The following AFF2 variants were observed in gnomAD, a reference collection of about 807,000 sequenced individuals.
AFF2 encodes ALF transcription elongation factor 2.
Under a neutral mutation model 76.9 loss-of-function variants are expected in AFF2, and 14 were observed. The observed-to-expected ratio is 0.18, with a 90% CI of 0.12 to 0.28. The LOEUF (loss-of-function observed/expected upper bound fraction) is 0.28, where lower values mean the gene tolerates loss of function less well. AFF2 is among the 10% of genes least tolerant of loss of function. AFF2 has a pLI of 1.00. For missense variants in AFF2, 868 were observed against 1,001.1 expected, an observed-to-expected ratio of 0.87 and a Z score of 1.79; for synonymous variants, 398 against 366.7, an observed-to-expected ratio of 1.09 and a Z score of -0.98.
chrX:148,512,980 G>A (rs2052498352), intron 1 of AFF2, among the ~76,000 whole-genome samples: 1 of 111,191 alleles, frequency 9.0e-6, no homozygotes, highest in Admixed American at 9.5e-5. Context: ...CTGATTTAGG[G>A]GTAGTACTAA....
At chrX:148,513,193 C>T (rs1024510821) in intron 1 of AFF2, among the ~76,000 whole-genome samples, 6 of 112,178 alleles carry the variant, frequency 5.3e-5, no homozygotes, top group African/African-American at 1.6e-4. Context: ...CATTCAAATG[C>T]GCTAAAGCAG....
chrX:148,538,430 G>A (rs1293757702), intron 1 of AFF2, among the ~76,000 whole-genome samples: 2 of 111,645 alleles, frequency 1.8e-5, no homozygotes, highest in East Asian at 2.8e-4. Flanking sequence ...GAAGTATGAG[G>A]CTGAAGGTCA....
At chrX:148,758,203 T>C (rs1235383820) in intron 3 of AFF2, among the ~76,000 whole-genome samples, 2 of 112,372 alleles carry the variant, frequency 1.8e-5, no homozygotes, top group Non-Finnish European at 3.8e-5. Flanking sequence ...TTGAGAGTAA[T>C]GTATAGAACA....
chrX:148,812,149 G>A, intron 4 of AFF2, among the ~76,000 whole-genome samples: 2 of 111,664 alleles, frequency 1.8e-5, no homozygotes, highest in Non-Finnish European at 1.9e-5. Context: ...TGTCACAATA[G>A]AGCATGCTTG....
chrX:148,867,418 C>T (rs1484529851), intron 7 of AFF2, among the ~76,000 whole-genome samples: 1 of 112,348 alleles, frequency 8.9e-6, no homozygotes, highest in Admixed American at 9.4e-5. Context: ...CCAGCCTTCA[C>T]TACAGGGCTA....
chrX:148,836,823 CTGA>C (rs1370355024), intron 4 of AFF2, among the ~76,000 whole-genome samples: 4 of 111,892 alleles, frequency 3.6e-5, no homozygotes, highest in Non-Finnish European at 5.6e-5. Flanking sequence ...GGTGTCCCTG[CTGA>C]TAACACAGGG....
At chrX:148,853,172 TTAA>T (rs1209316522) in intron 7 of AFF2, among the ~76,000 whole-genome samples, 1 of 112,012 alleles carries the variant, frequency 8.9e-6, no homozygotes, top group Non-Finnish European at 1.9e-5. Flanking sequence ...CAAAATAATC[TTAA>T]TAATACTACT....
chrX:148,734,993 A>T (rs782301516), intron 3 of AFF2, among the ~76,000 whole-genome samples: 3 of 112,063 alleles, frequency 2.7e-5, no homozygotes. Context: ...AGAAAATGTC[A>T]TTGTGTGCCT....
intron 1 of AFF2, among the ~76,000 whole-genome samples, chrX:148,552,069 T>C (rs1447365309): frequency 8.9e-6 from 1 of 112,808 alleles, no homozygotes; most frequent in African/African-American, 3.2e-5. Flanking sequence ...ACTACTCTCC[T>C]GGGAGAGGAA....
intron 10 of AFF2, among the ~76,000 whole-genome samples, chrX:148,955,299 C>T (rs1414101026): frequency 8.9e-6 from 1 of 112,839 alleles, no homozygotes; most frequent in African/African-American, 3.2e-5. Flanking sequence ...CCTGCCAACC[C>T]ACTGGAACAT....
At chrX:148,841,799 A>G (rs1403739752) in intron 5 of AFF2, among the ~76,000 whole-genome samples, 6 of 111,695 alleles carry the variant, frequency 5.4e-5, no homozygotes, top group Non-Finnish European at 1.1e-4. Context: ...TACCAGGGAG[A>G]GCACAGAAGC....
intron 3 of AFF2, among the ~76,000 whole-genome samples, chrX:148,721,016 C>G (rs1229978679): frequency 1.8e-5 from 2 of 111,608 alleles, no homozygotes; most frequent in Admixed American, 9.5e-5. Context: ...TTTTCCTTGT[C>G]TCAGGTAGTT....
intron 1 of AFF2, among the ~76,000 whole-genome samples, chrX:148,559,826 G>A (rs1419887943): frequency 9.0e-6 from 1 of 111,238 alleles, no homozygotes; most frequent in Non-Finnish European, 1.9e-5. Flanking sequence ...GGTATTTCTA[G>A]TTCTAGATCC....
intron 1 of AFF2, among the ~76,000 whole-genome samples, chrX:148,557,059 G>A (rs782062345): frequency 9.8e-5 from 11 of 112,081 alleles, no homozygotes; most frequent in Non-Finnish European, 2.1e-4. Context: ...AAAATGAGCT[G>A]TGGCTCTAAG....
chrX:148,631,979 G>A (rs782150336), intron 1 of AFF2, among the ~76,000 whole-genome samples: 10 of 111,702 alleles, frequency 9.0e-5, no homozygotes, highest in African/African-American at 3.2e-4. Context: ...AATAACATGT[G>A]TCTTAGTGTC....
At chrX:148,681,271 A>G (rs1451941611) in intron 3 of AFF2, among the ~76,000 whole-genome samples, 1 of 111,483 alleles carries the variant, frequency 9.0e-6, no homozygotes, top group Non-Finnish European at 1.9e-5. Flanking sequence ...ACTTTTCACA[A>G]TACCTTGGGG....
chrX:148,787,294 G>A (rs1206069440), intron 3 of AFF2, among the ~76,000 whole-genome samples: 2 of 111,107 alleles, frequency 1.8e-5, no homozygotes, highest in Non-Finnish European at 3.8e-5. Context: ...ATTTTGTGAG[G>A]AACAATCAAC....
At chrX:148,513,337 T>C (rs1557233383) in intron 1 of AFF2, among the ~76,000 whole-genome samples, 1 of 111,800 alleles carries the variant, frequency 8.9e-6, no homozygotes, top group African/African-American at 3.3e-5. Flanking sequence ...TCCAGGGATG[T>C]ACCTCTCTGA....
At chrX:148,821,224 T>G (rs1361826677) in intron 4 of AFF2, among the ~76,000 whole-genome samples, 7 of 111,409 alleles carry the variant, frequency 6.3e-5, no homozygotes, top group African/African-American at 2.3e-4. Context: ...TTCTCAGAAT[T>G]ATAGGGACAA....
Sources: gnomAD v4.1 joint callset for allele counts (sites outside exome capture counted in the v4.1 genomes callset) on GRCh38, gnomAD v4.1.1 for gene constraint, MANE v1.5 for transcripts, NCBI Gene and HGNC (gene_info 2026-07-23, HGNC 2026-07-21) for gene names.